The following MYO3B variants were observed in gnomAD, a reference collection of about 807,000 sequenced individuals.
MYO3B encodes myosin IIIB, also known as myosin-IIIb.
MYO3B carries 156 observed loss-of-function variants against 174.6 expected under a neutral mutation model. The ratio of observed to expected loss-of-function variants is 0.89; its 90% CI spans 0.78 to 1.02. MYO3B has a LOEUF of 1.02. Among genes scored for constraint, MYO3B ranks in the 50% least tolerant of loss-of-function variants. The probability of loss-of-function intolerance (pLI) is 0.00; values close to 1 mark genes in which losing one functional copy is unlikely to be tolerated. For missense variants in MYO3B, 1,632 were observed against 1,639.4 expected (o/e 1.00, Z 0.08); for synonymous variants, 563 against 569.1 (o/e 0.99, Z 0.15).
intron 32 of MYO3B, among the ~76,000 whole-genome samples, chr2:170,617,343 T>C (rs1244410022): frequency 6.6e-6 from 1 of 152,236 alleles, no homozygotes; most frequent in African/African-American, 2.4e-5. Context: ...ATTAAAATAC[T>C]ATGATATTGA....
chr2:170,276,385 G>A lies in MYO3B; in HGVS notation c.749+40249G>A, dbSNP rs367917071. 1.5e-4 allele frequency among the ~76,000 whole-genome samples: 23 copies of A among 152,208 alleles called. 1 individual carries two copies. The highest frequency in any genetic ancestry group is 5.5e-4 in the African/African-American group (23 of 41,542). On this transcript the variant is annotated intron_variant, in intron 7 of 34. Coordinates refer to ENST00000408978, the MANE Select transcript of MYO3B (RefSeq NM_138995.5). ...ATGATGCTCTAAATAATTTTCTGTT[G>A]TAGAACCCATATGCTTATGGTTATC...
At chr2:170,480,513 C>T (rs1414939950) in intron 25 of MYO3B, among the ~76,000 whole-genome samples, 1 of 152,204 alleles carries the variant, frequency 6.6e-6, no homozygotes, top group Non-Finnish European at 1.5e-5. Context: ...AAGTGTTTCC[C>T]TGAGTTCTAA....
At chr2:170,627,436 C>G (rs1003475734) in intron 32 of MYO3B, among the ~76,000 whole-genome samples, 9 of 152,090 alleles carry the variant, frequency 5.9e-5, no homozygotes, top group Non-Finnish European at 1.3e-4. Flanking sequence ...ATTGGTTATT[C>G]TAGTTAGCCA....
intron 2 of MYO3B, among the ~76,000 whole-genome samples, chr2:170,199,776 A>C (rs2092641185): frequency 6.6e-6 from 1 of 152,206 alleles, no homozygotes; most frequent in Non-Finnish European, 1.5e-5. Context: ...TGTTTTGCAC[A>C]GTGAGGTTTT....
chr2:170,401,400 G>A (rs1325260457), intron 17 of MYO3B, 81 bp from the exon 18 acceptor site: 1 of 1,304,262 alleles, frequency 7.7e-7, no homozygotes, highest in African/African-American at 1.5e-5. Context: ...CTGGCACATA[G>A]TAGATGTTGA....
intron 22 of MYO3B, among the ~76,000 whole-genome samples, chr2:170,431,458 G>A (rs1424951441): frequency 2.0e-5 from 3 of 152,174 alleles, no homozygotes; most frequent in Non-Finnish European, 2.9e-5. Context: ...GAGAAAGGAA[G>A]GAGTTAACTA....
chr2:170,309,913 T>C (rs753027766), intron 7 of MYO3B, among the ~76,000 whole-genome samples: 6 of 152,212 alleles, frequency 3.9e-5, no homozygotes, highest in Non-Finnish European at 7.3e-5. Flanking sequence ...AAGCAGTTGC[T>C]CCCCATTCCC....
chr2:170,519,784 C>G, intron 30 of MYO3B: 1 of 354,596 alleles, frequency 2.8e-6, no homozygotes, highest in African/African-American at 2.1e-5. Flanking sequence ...ACTAGCCTGG[C>G]CCACATGGCA....
At chr2:170,227,879 G>A (rs1475190652) in intron 6 of MYO3B, among the ~76,000 whole-genome samples, 1 of 152,110 alleles carries the variant, frequency 6.6e-6, no homozygotes, top group African/African-American at 2.4e-5. Context: ...GTGGCCTTGA[G>A]CGCATATATC....
chr2:170,179,323 G>A (rs757852117), intron 1 of MYO3B, among the ~76,000 whole-genome samples: 3 of 152,192 alleles, frequency 2.0e-5, no homozygotes, highest in Non-Finnish European at 4.4e-5. Flanking sequence ...AGCTATACTT[G>A]AACAGGCCCT....
chr2:170,321,074 G>A (rs1377692069), intron 7 of MYO3B, among the ~76,000 whole-genome samples: 3 of 151,948 alleles, frequency 2.0e-5, no homozygotes, highest in South Asian at 4.1e-4. Context: ...AGTCCAGCCC[G>A]GGCAACATAA....
intron 32 of MYO3B, among the ~76,000 whole-genome samples, chr2:170,584,337 G>A (rs140623875): frequency 9.2e-5 from 14 of 152,082 alleles, no homozygotes; most frequent in African/African-American, 2.7e-4. Context: ...AGTAAAACAG[G>A]GTCTGTACAC....
intron 11 of MYO3B, 89 bp from the exon 12 acceptor site, chr2:170,383,621 T>A: frequency 1.0e-6 from 1 of 972,476 alleles, no homozygotes; most frequent in East Asian, 2.5e-5. Flanking sequence ...AGTACCCTAA[T>A]AAGTGACAGA....
intron 32 of MYO3B, among the ~76,000 whole-genome samples, chr2:170,613,400 C>T (rs1233266819): frequency 6.6e-6 from 1 of 152,216 alleles, no homozygotes; most frequent in Non-Finnish European, 1.5e-5. Flanking sequence ...CCATCCTCTA[C>T]CCAGAGCATC....
chr2:170,331,626 G>T (rs991041893), intron 7 of MYO3B, among the ~76,000 whole-genome samples: 5 of 152,090 alleles, frequency 3.3e-5, no homozygotes, highest in African/African-American at 4.8e-5. Flanking sequence ...TCTGCCATGG[G>T]TCTCAGTGGG....
At chr2:170,548,800 C>A in intron 32 of MYO3B, among the ~76,000 whole-genome samples, 1 of 152,124 alleles carries the variant, frequency 6.6e-6, no homozygotes, top group East Asian at 1.9e-4. Context: ...TGAAATGGGG[C>A]CACCTACCCT....
intron 7 of MYO3B, 63 bp from the exon 8 acceptor site, chr2:170,335,322 G>A: frequency 8.3e-7 from 1 of 1,212,078 alleles, no homozygotes; most frequent in South Asian, 1.3e-5. Flanking sequence ...ATAAAAACAA[G>A]TTGATATTTT....
chr2:170,535,404 A>C (rs568363724), intron 30 of MYO3B, among the ~76,000 whole-genome samples: 3 of 152,330 alleles, frequency 2.0e-5, no homozygotes, highest in African/African-American at 7.2e-5. Context: ...GATAAATAGA[A>C]GGTCAGGCCA....
intron 32 of MYO3B, among the ~76,000 whole-genome samples, chr2:170,629,393 G>A (rs1007870898): frequency 6.6e-6 from 1 of 152,084 alleles, no homozygotes; most frequent in African/African-American, 2.4e-5. Flanking sequence ...CCCATCCCAA[G>A]CATCTATAAA....
Sources: allele counts gnomAD v4.1 joint callset (sites outside exome capture counted in the v4.1 genomes callset), GRCh38; gene constraint gnomAD v4.1.1; transcripts MANE v1.5; gene names NCBI Gene and HGNC (gene_info 2026-07-23, HGNC 2026-07-21).